GPD1L: variants seen among roughly 807,000 people sequenced by gnomAD.
The protein encoded by GPD1L is glycerol-3-phosphate dehydrogenase 1-like protein.
In GPD1L, 17 loss-of-function variants were observed where a neutral mutation model predicts 32.9. That is an observed-to-expected ratio of 0.52 (90% CI 0.35 to 0.78). GPD1L has a LOEUF of 0.78. Ranked by LOEUF, GPD1L falls within the 30% of genes least tolerant of loss-of-function variation. The pLI is 0.01. For missense variants in GPD1L, 361 were observed against 447.8 expected (o/e 0.81, Z 1.75); for synonymous variants, 187 against 165.9 (o/e 1.13, Z -0.98).
intron 2 of GPD1L, among the ~76,000 whole-genome samples, chr3:32,130,129 G>A (rs921862402): frequency 6.6e-6 from 1 of 152,074 alleles, no homozygotes; most frequent in African/African-American, 2.4e-5. Context: ...TGGAGCCTGT[G>A]CTGCGAACAG....
chr3:32,114,601 T>C (rs911384254), intron 1 of GPD1L, among the ~76,000 whole-genome samples: 2 of 152,260 alleles, frequency 1.3e-5, no homozygotes, highest in Non-Finnish European at 2.9e-5. Context: ...TGAGAAACAC[T>C]GTCCTAGATA....
At chr3:32,164,931 C>T (rs923327071) in intron 7 of GPD1L, among the ~76,000 whole-genome samples, 8 of 152,106 alleles carry the variant, frequency 5.3e-5, no homozygotes, top group Admixed American at 1.3e-4. Flanking sequence ...CCTGGGCCGG[C>T]GCGGTGGCTC....
chr3:32,168,288 G>A lies in GPD1L; in HGVS notation c.*2378G>A, dbSNP rs1701177551. 1 of 152,622 alleles carries A rather than the reference G, an allele frequency of 6.6e-6. No homozygotes were observed. Among genetic ancestry groups the A allele is most frequent in the Non-Finnish European group, 1.5e-5 (1 of 68,040 alleles). 9.5% of individuals were successfully genotyped at this position (152,622 alleles called of 1,614,324 possible). ...GAGTTATCTATTTTTATAACCACCT[G>A]TGGTCCATTGTTCATTTTAATTCAC... On this transcript the variant is annotated 3_prime_UTR_variant, in exon 8 of 8. Transcript: ENST00000282541.
chr3:32,165,666 A>G lies in GPD1L; in HGVS notation c.960-148A>G, dbSNP rs893713967. On this transcript the variant is annotated intron_variant, in intron 7 of 7. Transcript: ENST00000282541. ...GCCACATTCCAGAGGCTCTCTGCAG[A>G]CCAAATAATAAAGGAATGTAGAAAG... is the stretch of plus-strand genomic sequence containing the variant. The G allele has an allele frequency of 1.4e-5, 10 of 690,074 alleles. No homozygotes were observed. In the African/African-American group the frequency reaches 1.6e-4, roughly 11 times the overall value. 42.7% of individuals were successfully genotyped at this position (690,074 alleles called of 1,614,324 possible).
chr3:32,146,489 A>C (rs999804617), intron 4 of GPD1L, 133 bp from the exon 5 acceptor site: 1 of 685,520 alleles, frequency 1.5e-6, no homozygotes, highest in Non-Finnish European at 2.7e-6. Flanking sequence ...TTCTGCTCCT[A>C]TGTGTTTTCT....
intron 1 of GPD1L, among the ~76,000 whole-genome samples, chr3:32,107,298 C>T (rs1284921010): frequency 1.3e-5 from 2 of 152,186 alleles, no homozygotes; most frequent in African/African-American, 4.8e-5. Context: ...CGCGTCGTAT[C>T]AGGAAGAAAA....
chr3:32,149,823 C>A (rs916844819), intron 5 of GPD1L, among the ~76,000 whole-genome samples: 2 of 152,090 alleles, frequency 1.3e-5, no homozygotes, highest in Admixed American at 1.3e-4. Flanking sequence ...GTGGTGTGTG[C>A]CTGTAATCCC....
intron 2 of GPD1L, among the ~76,000 whole-genome samples, chr3:32,136,906 G>C (rs1211564619): frequency 6.6e-6 from 1 of 152,192 alleles, no homozygotes; most frequent in African/African-American, 2.4e-5. Flanking sequence ...GCTCTGGGCT[G>C]TCAGTGGAAA....
rs116769972 is a variant in GPD1L, at chr3:32,116,741, C to G, written c.47+9983C>G. Among the ~76,000 whole-genome samples the G allele has an allele frequency of 5.7e-3, 865 of 152,324 alleles. 9 individuals are homozygous for G. The highest frequency in any genetic ancestry group is 0.02 in the African/African-American group (825 of 41,564). On this transcript the variant is annotated intron_variant, in intron 1 of 7. Coordinates refer to ENST00000282541, the MANE Select transcript of GPD1L (RefSeq NM_015141.4). ...GGAGAACCCATCTGTGAGGCCTTGA[C>G]TGACACAGCCAGCTCATGCTCAGCT...
chr3:32,162,259 C>T (rs1701082999), intron 7 of GPD1L, among the ~76,000 whole-genome samples: 1 of 152,220 alleles, frequency 6.6e-6, no homozygotes, highest in Admixed American at 6.5e-5. Context: ...GGTCCTTAGG[C>T]AGATGTGGCC....
chr3:32,114,141 C>T (rs1210791222), intron 1 of GPD1L, among the ~76,000 whole-genome samples: 1 of 152,210 alleles, frequency 6.6e-6, no homozygotes, highest in Non-Finnish European at 1.5e-5. Context: ...AGGCATGGGC[C>T]ACCACACCCA....
At chr3:32,159,775 C>T in intron 7 of GPD1L, 101 bp downstream of exon 7, 3 of 769,612 alleles carry the variant, frequency 3.9e-6, no homozygotes, top group Non-Finnish European at 7.0e-6. Context: ...TGACAAGTGC[C>T]CTTAGAACTT....
chr3:32,162,802 C>G (rs1430652980), intron 7 of GPD1L, among the ~76,000 whole-genome samples: 1 of 152,088 alleles, frequency 6.6e-6, no homozygotes, highest in Non-Finnish European at 1.5e-5. Context: ...ACTCTGTCAC[C>G]CAGGCTGGAG....
chr3:32,148,299 C>T (rs1700861709), intron 5 of GPD1L, among the ~76,000 whole-genome samples: 1 of 152,134 alleles, frequency 6.6e-6, no homozygotes, highest in South Asian at 2.1e-4. Flanking sequence ...TTTGGAAAAG[C>T]TTCTGCTAAT....
intron 5 of GPD1L, among the ~76,000 whole-genome samples, chr3:32,148,249 G>A (rs1361586716): frequency 6.6e-6 from 1 of 152,196 alleles, no homozygotes; most frequent in Non-Finnish European, 1.5e-5. Flanking sequence ...AGAGCAAAGA[G>A]TGCTGGGTGA....
intron 7 of GPD1L, among the ~76,000 whole-genome samples, chr3:32,164,381 G>A (rs1701116557): frequency 6.6e-6 from 1 of 152,196 alleles, no homozygotes; most frequent in Non-Finnish European, 1.5e-5. Flanking sequence ...GCCGTGCATG[G>A]TGCCAGGCAC....
chr3:32,154,452 C>G (rs1453511291), intron 5 of GPD1L, among the ~76,000 whole-genome samples: 2 of 152,128 alleles, frequency 1.3e-5, no homozygotes, highest in Non-Finnish European at 2.9e-5. Flanking sequence ...CAGAGAGCTC[C>G]TGCTAAATCT....
intron 5 of GPD1L, among the ~76,000 whole-genome samples, chr3:32,156,458 T>G (rs1190831082): frequency 6.6e-6 from 1 of 152,312 alleles, no homozygotes; most frequent in Admixed American, 6.5e-5. Context: ...GCTCTCACAT[T>G]ATTGCTCAGG....
At chr3:32,132,400 G>T (rs769341197) in intron 2 of GPD1L, among the ~76,000 whole-genome samples, 11 of 152,108 alleles carry the variant, frequency 7.2e-5, no homozygotes, top group Admixed American at 7.2e-4. Flanking sequence ...TTTTTAGGTG[G>T]TATCACATGG....
Sources: gnomAD v4.1 joint callset for allele counts (sites outside exome capture counted in the v4.1 genomes callset) on GRCh38, gnomAD v4.1.1 for gene constraint, MANE v1.5 for transcripts, NCBI Gene and HGNC (gene_info 2026-07-23, HGNC 2026-07-21) for gene names.